SYNPR: variants seen among roughly 807,000 people sequenced by gnomAD.
The protein encoded by SYNPR is synaptoporin.
SYNPR carries 23 observed loss-of-function variants against 32.9 expected under a neutral mutation model. That is an observed-to-expected ratio of 0.70 (90% CI 0.50 to 0.99). The LOEUF (loss-of-function observed/expected upper bound fraction) is 0.99. SYNPR is among the 50% of genes least tolerant of loss of function. SYNPR has a pLI of 0.00. For missense variants in SYNPR, 318 were observed against 349.3 expected, an observed-to-expected ratio of 0.91 and a Z score of 0.71; for synonymous variants, 146 against 135.9, an observed-to-expected ratio of 1.07 and a Z score of -0.52.
At chr3:63,505,268 C>T (rs1482571972) in intron 3 of SYNPR, among the ~76,000 whole-genome samples, 27 of 152,076 alleles carry the variant, frequency 1.8e-4, no homozygotes, top group Admixed American at 1.6e-3. Flanking sequence ...AGGTGAATAT[C>T]GACAATTTTA....
intron 2 of SYNPR, among the ~76,000 whole-genome samples, chr3:63,281,434 T>C (rs2086629605): frequency 6.6e-6 from 1 of 152,198 alleles, no homozygotes; most frequent in African/African-American, 2.4e-5. Context: ...CAAAACACCA[T>C]AAACTGGATA....
At chr3:63,327,966 C>T (rs1401908041) in intron 2 of SYNPR, among the ~76,000 whole-genome samples, 1 of 152,006 alleles carries the variant, frequency 6.6e-6, no homozygotes, top group Non-Finnish European at 1.5e-5. Flanking sequence ...AGGAGAGGCA[C>T]AGATGGAAAA....
At chr3:63,366,244 G>GT (rs1560206735) in intron 2 of SYNPR, among the ~76,000 whole-genome samples, 14 of 151,726 alleles carry the variant, frequency 9.2e-5, no homozygotes, top group African/African-American at 3.2e-4. Context: ...AAAACCGAGG[G>GT]GTTTTTTTCC....
At chr3:63,354,697 G>C (rs986624913) in intron 2 of SYNPR, among the ~76,000 whole-genome samples, 1 of 152,148 alleles carries the variant, frequency 6.6e-6, no homozygotes, top group Non-Finnish European at 1.5e-5. Context: ...AAAGACGCCT[G>C]ACATAGTAAA....
intron 2 of SYNPR, among the ~76,000 whole-genome samples, chr3:63,375,964 T>A (rs2087889960): frequency 6.6e-6 from 1 of 152,190 alleles, no homozygotes; most frequent in South Asian, 2.1e-4. Context: ...CCAGTATTCT[T>A]CTGCTGTCAG....
chr3:63,352,845 T>C (rs1442924559), intron 2 of SYNPR, among the ~76,000 whole-genome samples: 21 of 152,084 alleles, frequency 1.4e-4, no homozygotes, highest in Admixed American at 1.4e-3. Flanking sequence ...TAAACCATCA[T>C]ATCTCCTAAG....
intron 2 of SYNPR, among the ~76,000 whole-genome samples, chr3:63,406,472 A>AT (rs571038837): frequency 0.051 from 7,295 of 143,878 alleles, 207 homozygotes; most frequent in African/African-American, 0.056. Flanking sequence ...ATGTGATTCC[A>AT]TTTTTTTTTT....
At chr3:63,580,361 C>T (rs911134918) in intron 4 of SYNPR, among the ~76,000 whole-genome samples, 2 of 152,178 alleles carry the variant, frequency 1.3e-5, no homozygotes, top group Non-Finnish European at 2.9e-5. Flanking sequence ...AAAAACTATT[C>T]TTTCCTCATA....
chr3:63,425,997 G>A (rs7650905), intron 2 of SYNPR, among the ~76,000 whole-genome samples: 2 of 151,806 alleles, frequency 1.3e-5, no homozygotes, highest in African/African-American at 2.4e-5. Context: ...ATATTGGCCC[G>A]GCTGGTCTTG....
chr3:63,291,583 T>C (rs2086739183), intron 2 of SYNPR, among the ~76,000 whole-genome samples: 1 of 145,208 alleles, frequency 6.9e-6, no homozygotes, highest in East Asian at 2.0e-4. Context: ...GTAAGAACTT[T>C]TGTTGTCAGA....
chr3:63,263,516 A>C (rs547058904), intron 2 of SYNPR, among the ~76,000 whole-genome samples: 2 of 152,374 alleles, frequency 1.3e-5, no homozygotes, highest in South Asian at 2.1e-4. Flanking sequence ...TCATTTATTT[A>C]GCTCATGAAT....
At position 63,461,138 on chromosome 3, in the gene SYNPR, C is replaced by A. The variant is rs192999494; in HGVS notation, c.85-19694C>A. ...TTTCTAGGAAATATCCTAAAAGGAG[C>A]ATAGCCTTTAGATGCTTTTTAAACC... On this transcript the variant is annotated intron_variant, in intron 2 of 5. Coordinates refer to ENST00000478300, the MANE Select transcript of SYNPR (RefSeq NM_001130003.2). Among the ~76,000 whole-genome samples, 402 of 152,116 alleles carry A rather than the reference C, an allele frequency of 2.6e-3. 3 individuals are homozygous for A. The highest frequency in any genetic ancestry group is 8.9e-3 in the African/African-American group (370 of 41,506).
intron 3 of SYNPR, among the ~76,000 whole-genome samples, chr3:63,489,301 A>C (rs960524459): frequency 1.3e-5 from 2 of 152,176 alleles, no homozygotes; most frequent in African/African-American, 4.8e-5. Flanking sequence ...CCAATTGGTC[A>C]CTGGCCAAAA....
At chr3:63,395,405 A>G (rs1442875150) in intron 2 of SYNPR, among the ~76,000 whole-genome samples, 2 of 152,206 alleles carry the variant, frequency 1.3e-5, no homozygotes, top group Non-Finnish European at 2.9e-5. Context: ...TACGTGTAGT[A>G]ATAATAACAG....
intron 1 of SYNPR, among the ~76,000 whole-genome samples, chr3:63,235,036 G>C (rs1226860245): frequency 6.6e-6 from 1 of 152,154 alleles, no homozygotes; most frequent in Non-Finnish European, 1.5e-5. Flanking sequence ...CACTGATATT[G>C]ATACCATCTA....
intron 4 of SYNPR, among the ~76,000 whole-genome samples, chr3:63,560,210 A>C (rs1437743570): frequency 6.6e-6 from 1 of 152,206 alleles, no homozygotes; most frequent in Non-Finnish European, 1.5e-5. Context: ...ATATTAAAAA[A>C]CTGAAGTGCT....
intron 2 of SYNPR, among the ~76,000 whole-genome samples, chr3:63,434,746 C>G (rs1273258922): frequency 6.6e-6 from 1 of 152,086 alleles, no homozygotes; most frequent in Non-Finnish European, 1.5e-5. Context: ...ACTCCTAAGC[C>G]ATCAATTTGC....
intron 1 of SYNPR, among the ~76,000 whole-genome samples, chr3:63,234,791 A>G (rs2086189667): frequency 6.6e-6 from 1 of 152,208 alleles, no homozygotes; most frequent in Admixed American, 6.5e-5. Flanking sequence ...TGTTTCTCAT[A>G]AAAGATGCTG....
chr3:63,389,845 G>C (rs2088108410), intron 2 of SYNPR, among the ~76,000 whole-genome samples: 1 of 152,210 alleles, frequency 6.6e-6, no homozygotes, highest in Non-Finnish European at 1.5e-5. Flanking sequence ...AAGTGGAGCA[G>C]ATGATTCTGA....
Sources: gnomAD v4.1 joint callset for allele counts (sites outside exome capture counted in the v4.1 genomes callset) on GRCh38, gnomAD v4.1.1 for gene constraint, MANE v1.5 for transcripts, NCBI Gene and HGNC (gene_info 2026-07-23, HGNC 2026-07-21) for gene names.